Variants in LINGO2 observed in about 807,000 individuals in gnomAD.
LINGO2 encodes the protein leucine-rich repeat and immunoglobulin-like domain-containing nogo receptor-interacting protein 2.
Under a neutral mutation model 30.6 loss-of-function variants are expected in LINGO2, and 14 were observed. The observed-to-expected ratio is 0.46, with a 90% CI of 0.30 to 0.72. The LOEUF (loss-of-function observed/expected upper bound fraction) is 0.72. Ranked by LOEUF, LINGO2 falls within the 30% of genes least tolerant of loss-of-function variation. The probability of loss-of-function intolerance (pLI) is 0.07; values close to 1 mark genes in which losing one functional copy is unlikely to be tolerated. For synonymous variants in LINGO2, 317 were observed against 288.5 expected, an observed-to-expected ratio of 1.10 and a Z score of -1.00; for missense variants, 729 against 751.7, an observed-to-expected ratio of 0.97 and a Z score of 0.35.
chr9:28,806,498 T>C, the LINGO2 span, among the ~76,000 whole-genome samples: 3 of 152,184 alleles, frequency 2.0e-5, no homozygotes, highest in South Asian at 6.2e-4. Flanking sequence ...ATCAATTCTA[T>C]CTATAAAATG....
the LINGO2 span, among the ~76,000 whole-genome samples, chr9:28,705,440 T>C: frequency 6.6e-6 from 1 of 152,188 alleles, no homozygotes; most frequent in East Asian, 1.9e-4. Context: ...TGGGACAGAA[T>C]AGCTAGAGGA....
chr9:28,212,018 G>A (rs1820610780), intron 4 of LINGO2, among the ~76,000 whole-genome samples: 1 of 151,108 alleles, frequency 6.6e-6, no homozygotes, highest in African/African-American at 2.4e-5. Context: ...GAGTTTAGCT[G>A]GTTTCTACCA....
intron 1 of LINGO2, among the ~76,000 whole-genome samples, chr9:28,574,027 A>T (rs899206460): frequency 1.3e-5 from 2 of 152,196 alleles, no homozygotes; most frequent in Admixed American, 6.5e-5. Flanking sequence ...CTTCACATTA[A>T]CAATGGCTCC....
chr9:29,010,693 T>A, the LINGO2 span, among the ~76,000 whole-genome samples: 2 of 152,076 alleles, frequency 1.3e-5, no homozygotes, highest in East Asian at 3.9e-4. Context: ...AATTAGATAA[T>A]TTTTTCTTGC....
chr9:28,266,730 C>A (rs1438618264), intron 4 of LINGO2, among the ~76,000 whole-genome samples: 1 of 151,988 alleles, frequency 6.6e-6, no homozygotes, highest in Non-Finnish European at 1.5e-5. Context: ...TATTCTTGCT[C>A]TGTGCCTCTT....
chr9:28,676,181 C>A, the LINGO2 span, among the ~76,000 whole-genome samples: 1 of 151,016 alleles, frequency 6.6e-6, no homozygotes. Flanking sequence ...TTTATAAATT[C>A]TTAATTTTAA....
intron 1 of LINGO2, among the ~76,000 whole-genome samples, chr9:28,591,386 T>C (rs991719687): frequency 2.6e-5 from 4 of 151,926 alleles, no homozygotes; most frequent in African/African-American, 9.7e-5. Context: ...CAATCTACAT[T>C]TGTAGCAGAA....
At chr9:28,747,150 G>A in the LINGO2 span, among the ~76,000 whole-genome samples, 1 of 151,838 alleles carries the variant, frequency 6.6e-6, no homozygotes, top group Non-Finnish European at 1.5e-5. Context: ...CCCAGACCCA[G>A]GATCCAGAAG....
At chr9:28,733,659 C>A in the LINGO2 span, among the ~76,000 whole-genome samples, 10 of 152,142 alleles carry the variant, frequency 6.6e-5, no homozygotes, top group Non-Finnish European at 1.5e-4. Flanking sequence ...AACCAGTCCA[C>A]CTTTTTCTCT....
the LINGO2 span, among the ~76,000 whole-genome samples, chr9:28,840,994 C>T: frequency 2.0e-5 from 3 of 151,836 alleles, no homozygotes; most frequent in African/African-American, 7.3e-5. Context: ...TCTCCAAATA[C>T]TTCTCGAGTT....
chr9:28,928,489 A>T, the LINGO2 span, among the ~76,000 whole-genome samples: 2 of 152,196 alleles, frequency 1.3e-5, no homozygotes, highest in South Asian at 4.1e-4. Context: ...TTTTTTAAAT[A>T]AATATATTGG....
At chr9:27,966,193 C>T (rs1270180500) in intron 5 of LINGO2, among the ~76,000 whole-genome samples, 1 of 152,022 alleles carries the variant, frequency 6.6e-6, no homozygotes, top group Non-Finnish European at 1.5e-5. Context: ...GATATGCAAT[C>T]TGGAGGCAAT....
At chr9:28,685,964 T>G in the LINGO2 span, among the ~76,000 whole-genome samples, 4 of 148,452 alleles carry the variant, frequency 2.7e-5, no homozygotes, top group Non-Finnish European at 3.0e-5. Flanking sequence ...TTCTTTTATA[T>G]ATAACATATA....
the LINGO2 span, among the ~76,000 whole-genome samples, chr9:28,689,977 A>T: frequency 1.3e-5 from 2 of 152,144 alleles, no homozygotes; most frequent in Non-Finnish European, 2.9e-5. Flanking sequence ...AGAAACAGAA[A>T]ACCAAACACC....
intron 4 of LINGO2, among the ~76,000 whole-genome samples, chr9:28,019,568 A>G (rs1823012853): frequency 6.6e-6 from 1 of 152,138 alleles, no homozygotes; most frequent in African/African-American, 2.4e-5. Flanking sequence ...ATTTGCTATG[A>G]GTAAAATAGC....
chr9:28,851,073 T>A, the LINGO2 span, among the ~76,000 whole-genome samples: 1 of 151,962 alleles, frequency 6.6e-6, no homozygotes, highest in Non-Finnish European at 1.5e-5. Flanking sequence ...ACTGAAGGAA[T>A]TACATTAAGG....
chr9:28,555,560 C>T (rs1217353533), intron 1 of LINGO2, among the ~76,000 whole-genome samples: 1 of 152,016 alleles, frequency 6.6e-6, no homozygotes, highest in Non-Finnish European at 1.5e-5. Flanking sequence ...CCGACTTCTA[C>T]CAGAGGTACA....
At chr9:28,932,730 C>A in the LINGO2 span, among the ~76,000 whole-genome samples, 2 of 152,022 alleles carry the variant, frequency 1.3e-5, no homozygotes, top group Non-Finnish European at 2.9e-5. Context: ...CCCTTTCCTC[C>A]TACCCAACAT....
At chr9:29,029,744 G>T in the LINGO2 span, among the ~76,000 whole-genome samples, 1 of 152,090 alleles carries the variant, frequency 6.6e-6, no homozygotes, top group African/African-American at 2.4e-5. Flanking sequence ...AAACAAACCA[G>T]CAAGTGGATT....
Sources: allele counts gnomAD v4.1 joint callset (sites outside exome capture counted in the v4.1 genomes callset), GRCh38; gene constraint gnomAD v4.1.1; transcripts MANE v1.5; gene names NCBI Gene and HGNC (gene_info 2026-07-23, HGNC 2026-07-21).